Variants in MAGI2 observed in about 807,000 individuals in gnomAD.
The protein encoded by MAGI2 is membrane-associated guanylate kinase, WW and PDZ domain-containing protein 2.
In MAGI2, 35 loss-of-function variants were observed where a neutral mutation model predicts 133.3. That is an observed-to-expected ratio of 0.26 (90% CI 0.20 to 0.35). MAGI2 has a LOEUF of 0.35. Ranked by LOEUF, MAGI2 falls within the 10% of genes least tolerant of loss-of-function variation. The pLI, the probability that MAGI2 is intolerant of heterozygous loss-of-function variation, is 1.00. For synonymous variants in MAGI2, 729 were observed against 710.6 expected (o/e 1.03, Z -0.41); for missense variants, 1,636 against 1,863.4 (o/e 0.88, Z 2.25).
chr7:78,574,579 G>A (rs994700636), intron 3 of MAGI2, among the ~76,000 whole-genome samples: 6 of 152,208 alleles, frequency 3.9e-5, no homozygotes, highest in African/African-American at 1.4e-4. Context: ...TTAATGTAAT[G>A]CTTGACTTGT....
chr7:78,855,732 T>A (rs1029937226), intron 2 of MAGI2, among the ~76,000 whole-genome samples: 1 of 152,248 alleles, frequency 6.6e-6, no homozygotes, highest in East Asian at 1.9e-4. Context: ...CATGTGTAGT[T>A]ATAGCAGCAG....
intron 2 of MAGI2, among the ~76,000 whole-genome samples, chr7:78,965,314 A>C (rs1028204396): frequency 4.0e-5 from 6 of 151,860 alleles, no homozygotes; most frequent in African/African-American, 1.4e-4. Context: ...TAACTTGTTG[A>C]AAAGTTATGT....
chr7:78,965,301 G>A (rs975254352), intron 2 of MAGI2, among the ~76,000 whole-genome samples: 1 of 151,476 alleles, frequency 6.6e-6, no homozygotes, highest in Non-Finnish European at 1.5e-5. Flanking sequence ...AAAGACAAAC[G>A]ATTAACTTGT....
chr7:78,176,082 T>G (rs554254159), intron 14 of MAGI2, among the ~76,000 whole-genome samples: 2 of 152,230 alleles, frequency 1.3e-5, no homozygotes, highest in African/African-American at 4.8e-5. Flanking sequence ...TCACCTAGGA[T>G]CCCTGGTAAT....
intron 2 of MAGI2, among the ~76,000 whole-genome samples, chr7:78,934,270 A>G (rs1312783413): frequency 6.6e-6 from 1 of 151,888 alleles, no homozygotes; most frequent in Non-Finnish European, 1.5e-5. Flanking sequence ...CCCAGCTATT[A>G]TTTTGGTATT....
intron 4 of MAGI2, among the ~76,000 whole-genome samples, chr7:78,504,058 T>C (rs896192117): frequency 6.6e-6 from 1 of 152,124 alleles, no homozygotes; most frequent in African/African-American, 2.4e-5. Context: ...ATTTGTAATA[T>C]GTGTTAAAGA....
At chr7:78,945,733 G>A (rs1801364942) in intron 2 of MAGI2, among the ~76,000 whole-genome samples, 1 of 152,104 alleles carries the variant, frequency 6.6e-6, no homozygotes, top group Non-Finnish European at 1.5e-5. Context: ...CTGATCTTCA[G>A]AAGAGTCTCT....
chr7:78,264,804 A>C (rs768124860), intron 9 of MAGI2, among the ~76,000 whole-genome samples: 19 of 152,178 alleles, frequency 1.2e-4, no homozygotes, highest in African/African-American at 1.7e-4. Context: ...CCTACATCTG[A>C]TGAAAATGTG....
intron 10 of MAGI2, among the ~76,000 whole-genome samples, chr7:78,242,327 C>T (rs371434995): frequency 6.6e-6 from 1 of 152,332 alleles, no homozygotes; most frequent in South Asian, 2.1e-4. Flanking sequence ...AGAAGAAAGC[C>T]TGGTTCCCTG....
intron 1 of MAGI2, among the ~76,000 whole-genome samples, chr7:79,057,854 G>GGGA (rs1813297444): frequency 1.3e-5 from 2 of 152,080 alleles, no homozygotes. Flanking sequence ...GAAGAAAGAT[G>GGGA]GGAGATAAGA....
intron 2 of MAGI2, among the ~76,000 whole-genome samples, chr7:78,894,140 GC>G (rs1255720523): frequency 6.6e-6 from 1 of 152,194 alleles, no homozygotes; most frequent in Non-Finnish European, 1.5e-5. Context: ...TGTGGCTCAT[GC>G]CTGTAATCCC....
At chr7:79,186,214 A>T (rs895843847) in intron 1 of MAGI2, among the ~76,000 whole-genome samples, 13 of 5,994 alleles carry the variant, frequency 2.2e-3, no homozygotes, top group East Asian at 4.0e-3. Context: ...ATATATATAT[A>T]TATATATATA....
intron 2 of MAGI2, among the ~76,000 whole-genome samples, chr7:78,633,660 C>G (rs561567278): frequency 2.5e-4 from 36 of 145,362 alleles, no homozygotes; most frequent in Non-Finnish European, 3.3e-4. Flanking sequence ...GAGCAGAGAT[C>G]GCGCCACTGC....
intron 2 of MAGI2, among the ~76,000 whole-genome samples, chr7:78,786,143 A>G (rs1463599946): frequency 1.3e-5 from 2 of 151,966 alleles, no homozygotes; most frequent in African/African-American, 4.8e-5. Context: ...TGCTCAGAAA[A>G]AAAAAACAAA....
chr7:78,527,664 T>C (rs1374194150), intron 3 of MAGI2, among the ~76,000 whole-genome samples: 1 of 152,210 alleles, frequency 6.6e-6, no homozygotes, highest in Non-Finnish European at 1.5e-5. Context: ...AATGTAAAAA[T>C]GCTAGTAGCA....
chr7:78,241,637 A>G (rs1322715783), intron 10 of MAGI2, among the ~76,000 whole-genome samples: 2 of 152,158 alleles, frequency 1.3e-5, no homozygotes, highest in East Asian at 1.9e-4. Flanking sequence ...ATCATGTTAG[A>G]AAAAAGATTT....
intron 20 of MAGI2, among the ~76,000 whole-genome samples, chr7:78,101,074 A>T (rs1304260134): frequency 6.6e-6 from 1 of 152,222 alleles, no homozygotes; most frequent in Non-Finnish European, 1.5e-5. Flanking sequence ...AAAGGAAATG[A>T]TATCCTGTGT....
At chr7:78,921,119 T>A (rs953626648) in intron 2 of MAGI2, among the ~76,000 whole-genome samples, 1 of 139,802 alleles carries the variant, frequency 7.2e-6, no homozygotes, top group African/African-American at 2.5e-5. Context: ...GGTTCTTGAT[T>A]CTTGGAGCTC....
chr7:79,354,022 A>C (rs954098186), intron 1 of MAGI2: 1 of 152,968 alleles, frequency 6.5e-6, no homozygotes, highest in Non-Finnish European at 1.5e-5. Context: ...TGGTATAGCT[A>C]GATTTTATTG....
Sources: gnomAD v4.1 joint callset for allele counts (sites outside exome capture counted in the v4.1 genomes callset) on GRCh38, gnomAD v4.1.1 for gene constraint, MANE v1.5 for transcripts, NCBI Gene and HGNC (gene_info 2026-07-23, HGNC 2026-07-21) for gene names.